Variants in RSBN1 observed in about 807,000 individuals in gnomAD.
RSBN1 encodes lysine-specific demethylase 9.
RSBN1 carries 23 observed loss-of-function variants against 74.8 expected under a neutral mutation model. The ratio of observed to expected loss-of-function variants is 0.31; its 90% confidence interval spans 0.22 to 0.44. The LOEUF is 0.44. Among genes scored for constraint, RSBN1 ranks in the 20% least tolerant of loss-of-function variants. RSBN1 has a pLI of 1.00. For missense variants in RSBN1, 808 were observed against 1,020.9 expected (o/e 0.79, Z 2.84); for synonymous variants, 407 against 379.6 (o/e 1.07, Z -0.84).
chr1:113,791,978 G>A (rs1189628099), intron 2 of RSBN1, among the ~76,000 whole-genome samples: 67 of 152,180 alleles, frequency 4.4e-4, no homozygotes, highest in Middle Eastern at 6.8e-3. Flanking sequence ...AACACACAAC[G>A]AGGGAATAAC....
intron 2 of RSBN1, among the ~76,000 whole-genome samples, chr1:113,782,690 T>C (rs1310776615): frequency 6.6e-6 from 1 of 152,186 alleles, no homozygotes; most frequent in Non-Finnish European, 1.5e-5. Context: ...GGTCATGTGG[T>C]CGTTCTATTT....
intron 4 of RSBN1, among the ~76,000 whole-genome samples, chr1:113,770,921 T>C (rs1659874584): frequency 6.6e-6 from 1 of 152,012 alleles, no homozygotes; most frequent in Non-Finnish European, 1.5e-5. Flanking sequence ...CCAATAGTAG[T>C]TTCAGAAAGA....
rs566951737 is a variant in RSBN1, at chr1:113,777,797, T to C, written c.1389A>G (p.Thr463=). 1.3e-6 allele frequency: 2 copies of C among 1,586,388 alleles called. No individual in the cohort carries two copies. The highest frequency in any genetic ancestry group is 1.3e-5 in the African/African-American group (1 of 74,550). Residue 463 remains threonine, a synonymous_variant, in exon 3 of 7, where the codon ACA becomes ACG. Coordinates refer to ENST00000261441, the MANE Select transcript of RSBN1 (RefSeq NM_018364.5). The part of the protein sequence containing the change: ...ISNFHTQVNR[T]YCCGTYRAGP... ...CTGCTCGGTAGGTGCCACAGCAGTA[T>C]GTCCTGTTGACCTAAGATAAAACAA...
At position 113,790,246 on chromosome 1, in the gene RSBN1, C is replaced by G. The variant is rs141084137; in HGVS notation, c.1377+7117G>C. Among the ~76,000 whole-genome samples the G allele has an allele frequency of 5.0e-4, 76 of 152,180 alleles. 1 individual carries two copies. In the East Asian group the frequency reaches 0.011, roughly 21 times the overall value. On this transcript the variant is annotated intron_variant, in intron 2 of 6. Coordinates refer to ENST00000261441, the MANE Select transcript of RSBN1 (RefSeq NM_018364.5). ...TCCTAACCTAATGGGTATAGAGTTT[C>G]TGTTTGGTATGAGGAAAAAGTTCTG...
At chr1:113,783,107 G>A (rs1214165614) in intron 2 of RSBN1, among the ~76,000 whole-genome samples, 1 of 152,062 alleles carries the variant, frequency 6.6e-6, no homozygotes, top group Non-Finnish European at 1.5e-5. Flanking sequence ...ACTCACAAAA[G>A]AAATCAAGCA....
intron 2 of RSBN1, among the ~76,000 whole-genome samples, chr1:113,780,063 C>T (rs915082385): frequency 2.6e-5 from 4 of 152,100 alleles, no homozygotes; most frequent in Non-Finnish European, 4.4e-5. Context: ...ACACCTCTCC[C>T]AACTATTCCC....
chr1:113,809,665 T>C (rs1660791258), intron 1 of RSBN1, among the ~76,000 whole-genome samples: 1 of 152,202 alleles, frequency 6.6e-6, no homozygotes. Context: ...TCCAACAATC[T>C]CTCAGCCAAA....
chr1:113,782,105 C>G (rs1374450882), intron 2 of RSBN1, among the ~76,000 whole-genome samples: 1 of 152,180 alleles, frequency 6.6e-6, no homozygotes, highest in East Asian at 1.9e-4. Flanking sequence ...TTGCCACATT[C>G]TCCACATTTG....
chr1:113,775,574 C>A (rs2101797225), intron 4 of RSBN1, among the ~76,000 whole-genome samples: 1 of 150,836 alleles, frequency 6.6e-6, no homozygotes, highest in Middle Eastern at 3.6e-3. Context: ...TGGACTCAAG[C>A]AATCTGCCTG....
At chr1:113,779,820 A>T (rs941879544) in intron 2 of RSBN1, among the ~76,000 whole-genome samples, 2 of 150,868 alleles carry the variant, frequency 1.3e-5, no homozygotes, top group Admixed American at 6.6e-5. Context: ...CAGGAGCTCA[A>T]GACCAGCCTG....
At chr1:113,800,765 G>A (rs1408318600) in intron 1 of RSBN1, among the ~76,000 whole-genome samples, 1 of 151,270 alleles carries the variant, frequency 6.6e-6, no homozygotes. Flanking sequence ...AGTCTCTGTG[G>A]GTTTCACTTA....
intron 2 of RSBN1, among the ~76,000 whole-genome samples, chr1:113,783,813 T>C (rs755064627): frequency 6.6e-6 from 1 of 152,156 alleles, no homozygotes; most frequent in Non-Finnish European, 1.5e-5. Flanking sequence ...AGAAGGAAAC[T>C]AGCATCCTGG....
chr1:113,812,325 C>T lies in RSBN1; in HGVS notation c.88G>A (p.Ala30Thr). 1 of 1,603,774 alleles carries T rather than the reference C, an allele frequency of 6.2e-7. No homozygotes were observed. The highest frequency in any genetic ancestry group is 8.5e-7 in the Non-Finnish European group (1 of 1,179,720). Residue 30 changes from alanine (A) to threonine (T), a missense_variant, in exon 1 of 7, where the codon GCG becomes ACG. By Grantham distance (58) the Ala-to-Thr change is moderately conservative (BLOSUM62 0). This residue lies in a region of RSBN1 where 464 missense variants were observed against 401.0 expected (regional missense o/e 1.16). Coordinates refer to ENST00000261441, the MANE Select transcript of RSBN1 (RefSeq NM_018364.5). ...ACCGCCCCCCCGTCCGCGCATCGCG[C>T]AAGCGCCGCCCGCGCACTGCCCGCT... ...CPAGSARAALARCADGGAVGP... is the reference protein window; with the variant it reads ...CPAGSARAALTRCADGGAVGP...
intron 2 of RSBN1, among the ~76,000 whole-genome samples, chr1:113,786,379 G>A (rs1660243518): frequency 6.6e-6 from 1 of 152,120 alleles, no homozygotes; most frequent in Non-Finnish European, 1.5e-5. Flanking sequence ...GTTACCTTAT[G>A]GCAAAATGGA....
intron 1 of RSBN1, among the ~76,000 whole-genome samples, chr1:113,805,025 C>A (rs576547745): frequency 6.6e-6 from 1 of 151,940 alleles, no homozygotes; most frequent in Non-Finnish European, 1.5e-5. Context: ...TCCTTTCTTT[C>A]CTTTTTAACA....
intron 2 of RSBN1, among the ~76,000 whole-genome samples, chr1:113,789,163 C>T (rs567401795): frequency 7.4e-4 from 113 of 152,218 alleles, no homozygotes; most frequent in African/African-American, 2.5e-3. Context: ...GTCAGCCCTA[C>T]CCCCAACCTC....
chr1:113,807,035 G>A (rs1428673098), intron 1 of RSBN1, among the ~76,000 whole-genome samples: 1 of 151,332 alleles, frequency 6.6e-6, no homozygotes, highest in Non-Finnish European at 1.5e-5. Context: ...CAAACAGGCT[G>A]GGCGTGGTGG....
chr1:113,777,013 T>A (rs1660046782), intron 4 of RSBN1, among the ~76,000 whole-genome samples, 197 bp downstream of exon 4: 1 of 152,036 alleles, frequency 6.6e-6, no homozygotes, highest in African/African-American at 2.4e-5. Context: ...TTTTAAAAAA[T>A]AAGTAAAAAT....
At position 113,764,864 on chromosome 1, in the gene RSBN1, G is replaced by C. The variant is rs968559885; in HGVS notation, c.*1116C>G. 3 of 149,126 alleles carry C rather than the reference G, an allele frequency of 2.0e-5. No individual in the cohort carries two copies. The highest frequency in any genetic ancestry group is 1.3e-4 in the Admixed American group (2 of 14,832). 9.2% of individuals were successfully genotyped at this position (149,126 alleles called of 1,614,324 possible). A position where few individuals can be genotyped will look rare whatever the true frequency, so the allele number is the denominator to read the frequency against. On this transcript the variant is annotated 3_prime_UTR_variant, in exon 7 of 7. Coordinates refer to ENST00000261441, the MANE Select transcript of RSBN1 (RefSeq NM_018364.5). The stretch of plus-strand genomic sequence containing the variant: ...CATACTAGCAATGTGAACTGTGCCT[G>C]TTTGAAAAGAAAATTTAAATACTCA...
Sources: allele counts gnomAD v4.1 joint callset (sites outside exome capture counted in the v4.1 genomes callset), GRCh38; gene constraint gnomAD v4.1.1; regional missense constraint gnomAD v4.1.1; transcripts MANE v1.5; gene names NCBI Gene and HGNC (gene_info 2026-07-23, HGNC 2026-07-21).